Variants in BRF1 observed in about 807,000 individuals in gnomAD.
The protein encoded by BRF1 is BRF1 general transcription factor IIIB subunit.
BRF1 carries 59 observed loss-of-function variants against 81.7 expected under a neutral mutation model. The ratio of observed to expected loss-of-function variants is 0.72; its 90% CI spans 0.59 to 0.90. BRF1 has a LOEUF of 0.90. Ranked by LOEUF, BRF1 falls within the 40% of genes least tolerant of loss-of-function variation. The probability of loss-of-function intolerance (pLI) is 0.00; values close to 1 mark genes in which losing one functional copy is unlikely to be tolerated. For missense variants in BRF1, 1,050 were observed against 936.3 expected (o/e 1.12, Z -1.58); for synonymous variants, 491 against 395.6 (o/e 1.24, Z -2.86).
At chr14:105,214,426 ACACC>A (rs1890689130) in intron 15 of BRF1, among the ~76,000 whole-genome samples, 1 of 151,012 alleles carries the variant, frequency 6.6e-6, no homozygotes, top group African/African-American at 2.5e-5. Flanking sequence ...TCAGCTGCCC[ACACC>A]CATGCATGGC....
intron 3 of BRF1, among the ~76,000 whole-genome samples, chr14:105,268,508 G>A (rs142227006): frequency 1.3e-4 from 20 of 152,378 alleles, no homozygotes; most frequent in African/African-American, 3.4e-4. Flanking sequence ...CACAGCCCCC[G>A]GCACTTTCGG....
intron 1 of BRF1, among the ~76,000 whole-genome samples, chr14:105,313,081 A>G (rs1054242663): frequency 1.3e-5 from 2 of 152,186 alleles, no homozygotes; most frequent in Non-Finnish European, 2.9e-5. Flanking sequence ...GCTGGTGCCA[A>G]GCCCTGCTGT....
At chr14:105,228,769 G>A (rs766923907) in intron 7 of BRF1, 51 bp downstream of exon 7, 1 of 1,600,354 alleles carries the variant, frequency 6.2e-7, no homozygotes, top group Non-Finnish European at 8.6e-7. Context: ...GCCTGAGCTG[G>A]ACTGATGAAG....
At chr14:105,227,010 A>G (rs1893214515) in intron 7 of BRF1, 1 of 455,310 alleles carries the variant, frequency 2.2e-6, no homozygotes, top group Admixed American at 4.0e-5. Flanking sequence ...GCTACTTGGG[A>G]GGCTGAGGTC....
rs1272726752 is a variant in BRF1, at chr14:105,228,984, C to T, written c.695-71G>A. 2.0e-5 allele frequency: 28 copies of T among 1,383,402 alleles called. No individual in the cohort carries two copies. The East Asian group carries it at 5.0e-4, about 25-fold the overall frequency. 85.7% of individuals were successfully genotyped at this position (1,383,402 alleles called of 1,614,324 possible). ...GGGCAACATCTGTGGCGGCCCAGGACAACACTGCGGATCCCGGTCACGGAG... is the reference window on the plus strand; with the variant it reads ...GGGCAACATCTGTGGCGGCCCAGGATAACACTGCGGATCCCGGTCACGGAG... On this transcript the variant is annotated intron_variant, in intron 6 of 17. Coordinates refer to ENST00000547530, the MANE Select transcript of BRF1 (RefSeq NM_001519.4).
At chr14:105,313,526 T>C (rs1325419858) in intron 1 of BRF1, among the ~76,000 whole-genome samples, 1 of 152,208 alleles carries the variant, frequency 6.6e-6, no homozygotes, top group Non-Finnish European at 1.5e-5. Flanking sequence ...CGCAGCTGTT[T>C]GCAGTTCTAG....
chr14:105,242,552 A>T (rs2054758194), intron 5 of BRF1: 1 of 151,940 alleles, frequency 6.6e-6, no homozygotes, highest in Admixed American at 6.6e-5. Context: ...CCTGACCAAC[A>T]TGGAGAAACC....
intron 1 of BRF1, among the ~76,000 whole-genome samples, chr14:105,297,944 C>T (rs1282006003): frequency 2.6e-5 from 4 of 152,050 alleles, no homozygotes; most frequent in East Asian, 3.9e-4. Context: ...TGCAGTGAGC[C>T]GAGATAGTGC....
rs1287349096 is a variant in BRF1, at chr14:105,248,576, GGCGGGCGGGCGGGACGGCGCCCCCC to G, written c.544+3906_544+3930del. On this transcript the variant is annotated intron_variant, in intron 5 of 17. Transcript: ENST00000547530. ...GCCGCGGCGGGTACGGGCTCGGGCG[GGCGGGCGGGCGGGACGGCGCCCCCC>G]GCGGCCGGGCCTGGCCGGGCTGCGC... 184 of 913,598 alleles carry G rather than the reference GGCGGGCGGGCGGGACGGCGCCCCCC, an allele frequency of 2.0e-4. 1 individual carries two copies. The African/African-American group carries it at 3.2e-3, about 16-fold the overall frequency. The allele number at this position is 913,598 out of a possible 1,614,324, so 56.6% of individuals were successfully genotyped here. A position where few individuals can be genotyped will look rare whatever the true frequency, so the allele number is the denominator to read the frequency against.
rs1192983931 is a variant in BRF1 at position 105,252,534 on chromosome 14, C to T, written c.517G>A (p.Glu173Lys). 2.5e-6 allele frequency: 4 copies of T among 1,613,916 alleles called. No homozygotes were observed. Among genetic ancestry groups the T allele is most frequent in the Non-Finnish European group, 3.4e-6 (4 of 1,180,000 alleles). ...LGKTFLLLAR[E>K]LCINAPAIDP... Reference sequence around the variant, plus strand: ...ATGGCCGGCGCATTGATGCAGAGCTCTCTTGCCAAGAGAAGAAACGTCTTT... The same window carrying T: ...ATGGCCGGCGCATTGATGCAGAGCTTTCTTGCCAAGAGAAGAAACGTCTTT... Residue 173 changes from glutamate to lysine, a missense_variant, in exon 5 of 18, where the codon GAG becomes AAG. Transcript: ENST00000547530.
rs587626499 is a variant in BRF1 at position 105,298,427 on chromosome 14, G to A, written c.184+2019C>T. On this transcript the variant is annotated intron_variant, in intron 1 of 17. Transcript: ENST00000547530. The stretch of plus-strand genomic sequence containing the variant: ...ACAAGGCCCAGAGACAGACCTGCAC[G>A]GACGGGGCCCAGTGAGCACAGCCGA... Among the ~76,000 whole-genome samples the A allele has an allele frequency of 3.2e-4, 49 of 152,326 alleles. No individual in the cohort carries two copies. In the South Asian group the frequency reaches 9.7e-3, roughly 30 times the overall value.
intron 5 of BRF1, 64 bp from the exon 6 acceptor site, chr14:105,241,478 A>C: frequency 6.3e-7 from 1 of 1,595,830 alleles, no homozygotes. Context: ...CAGGCGGCCC[A>C]CGCAGCCCAG....
intron 2 of BRF1, among the ~76,000 whole-genome samples, chr14:105,280,311 C>T (rs2057015781): frequency 6.6e-6 from 1 of 152,262 alleles, no homozygotes; most frequent in Non-Finnish European, 1.5e-5. Context: ...TGTGCAACTC[C>T]AGCTCTACGA....
chr14:105,267,797 G>C (rs2056487444), intron 3 of BRF1, among the ~76,000 whole-genome samples: 1 of 152,214 alleles, frequency 6.6e-6, no homozygotes, highest in South Asian at 2.1e-4. Context: ...AGAACAGGGG[G>C]GCAGAGAAGT....
chr14:105,262,272 C>G (rs1045732017), intron 3 of BRF1, among the ~76,000 whole-genome samples: 4 of 152,218 alleles, frequency 2.6e-5, no homozygotes, highest in Non-Finnish European at 5.9e-5. Context: ...ATGAGCAGCC[C>G]TGCCCTCCCG....
rs587604935 is a variant in BRF1, at chr14:105,309,532, T to C, written c.-162+5790A>G. Among the ~76,000 whole-genome samples the C allele has an allele frequency of 6.6e-6, 1 of 152,334 alleles. No individual in the cohort carries two copies. Among genetic ancestry groups the C allele is most frequent in the African/African-American group, 2.4e-5 (1 of 41,572 alleles). ...ACCTGGACCTGTGTCCCTGTTGACA[T>C]TTCCAGTGTCACCTGCAGGATGCCA... On this transcript the variant is annotated intron_variant, in intron 1 of 17. Transcript: ENST00000327359. The surrounding 1 kb of genome is among the most constrained non-coding windows in gnomAD (Gnocchi z 4.0).
chr14:105,250,721 C>A, intron 5 of BRF1: 1 of 1,544,026 alleles, frequency 6.5e-7, no homozygotes, highest in South Asian at 1.2e-5. Flanking sequence ...GAGGGGAAGT[C>A]AAGATGCTAA....
chr14:105,248,120 G>A (rs139330909), intron 5 of BRF1: 6 of 985,348 alleles, frequency 6.1e-6, no homozygotes, highest in East Asian at 1.1e-4. Flanking sequence ...AAATAGCAGC[G>A]CCTGCCCCTG....
At chr14:105,250,920 G>C in intron 5 of BRF1, 1 of 515,368 alleles carries the variant, frequency 1.9e-6, no homozygotes, top group Non-Finnish European at 3.5e-6. Context: ...ACAGGCCCCA[G>C]ATCCCCTCCC....
Sources: allele counts gnomAD v4.1 joint callset (sites outside exome capture counted in the v4.1 genomes callset), GRCh38; gene constraint gnomAD v4.1.1; non-coding constraint Gnocchi (gnomAD v3.1); transcripts MANE v1.5; gene names NCBI Gene and HGNC (gene_info 2026-07-23, HGNC 2026-07-21).